IGF1: variants seen among roughly 807,000 people sequenced by gnomAD.
IGF1 encodes the protein insulin like growth factor 1.
In IGF1, 4 loss-of-function variants were observed where a neutral mutation model predicts 13.8. That is an observed-to-expected ratio of 0.29 (90% confidence interval 0.14 to 0.66). The LOEUF (loss-of-function observed/expected upper bound fraction) is 0.66. Among genes scored for constraint, IGF1 ranks in the 30% least tolerant of loss-of-function variants. The pLI is 0.78. For synonymous variants in IGF1, 76 were observed against 72.6 expected, an observed-to-expected ratio of 1.05 and a Z score of -0.23; for missense variants, 124 against 188.5, an observed-to-expected ratio of 0.66 and a Z score of 2.00.
intron 3 of IGF1, among the ~76,000 whole-genome samples, chr12:102,409,988 C>T (rs1461808400): frequency 1.3e-5 from 2 of 152,146 alleles, no homozygotes; most frequent in East Asian, 1.9e-4. Context: ...TCCGGAGCTC[C>T]GTTGAGTGCT....
At chr12:102,464,379 T>C (rs1880148224) in intron 2 of IGF1, among the ~76,000 whole-genome samples, 1 of 151,006 alleles carries the variant, frequency 6.6e-6, no homozygotes, top group South Asian at 2.1e-4. Flanking sequence ...TCATGGTATA[T>C]ATTCTGGGGA....
At chr12:102,434,552 T>A (rs199649449) in intron 2 of IGF1, among the ~76,000 whole-genome samples, 1 of 146,182 alleles carries the variant, frequency 6.8e-6, no homozygotes. Flanking sequence ...TCTATCATTG[T>A]TGGACATTTG....
At position 102,456,313 on chromosome 12, in the gene IGF1, C is replaced by T. The variant is rs555145597; in HGVS notation, c.220+19330G>A. On this transcript the variant is annotated intron_variant, in intron 2 of 3. Coordinates refer to ENST00000337514, the MANE Select transcript of IGF1 (RefSeq NM_000618.5). The stretch of plus-strand genomic sequence containing the variant: ...TGAGGAGCTAAGAAGTATGAACAAA[C>T]GCACTTCAAAGACTAAACTGGACAT... Among the ~76,000 whole-genome samples, 66 of 151,414 alleles carry T rather than the reference C, an allele frequency of 4.4e-4. No homozygotes were observed. The South Asian group carries it at 6.7e-3, about 15-fold the overall frequency.
chr12:102,427,490 T>G (rs1481717725), intron 2 of IGF1, among the ~76,000 whole-genome samples: 1 of 152,224 alleles, frequency 6.6e-6, no homozygotes, highest in African/African-American at 2.4e-5. Context: ...TCTTTTTTTC[T>G]TTGTAACTTG....
In IGF1 at chr12:102,402,526, T is replaced by G; in HGVS notation, c.443A>C (p.Asn148Thr). Residue 148 changes from asparagine to threonine, a missense_variant, in exon 4 of 4, where the codon AAC becomes ACC. By Grantham distance (65) the Asn-to-Thr change is moderately conservative. This residue lies in a region of IGF1 where 25 missense variants were observed against 17.1 expected (regional missense o/e 1.47). Coordinates refer to ENST00000337514, the MANE Select transcript of IGF1 (RefSeq NM_000618.5). ...GTCTTCCTACATCCTGTAGTTCTTG[T>G]TTCCTGCACTCCCTCTACTTGCGTT... ...LKNASRGSAG[N>T]KNYRM 1.3e-6 allele frequency: 1 copy of G among 780,918 alleles called. No individual in the cohort carries two copies. Among genetic ancestry groups the G allele is most frequent in the Non-Finnish European group, 2.4e-6 (1 of 417,988 alleles). 48.4% of individuals were successfully genotyped at this position (780,918 alleles called of 1,614,324 possible). A position where few individuals can be genotyped will look rare whatever the true frequency, so the allele number is the denominator to read the frequency against.
rs186560942 is a variant in IGF1, at chr12:102,473,901, C to T, written c.220+1742G>A. Among the ~76,000 whole-genome samples, 5 of 152,260 alleles carry T rather than the reference C, an allele frequency of 3.3e-5. No homozygotes were observed. The East Asian group carries it at 5.8e-4, about 18-fold the overall frequency. On this transcript the variant is annotated intron_variant, in intron 2 of 3. Coordinates refer to ENST00000337514, the MANE Select transcript of IGF1 (RefSeq NM_000618.5). ...GCAAACATCATAGGCATAGAAAGAT[C>T]CAGTTTTCATGCACTGTGCATGGAA...
chr12:102,414,392 C>T (rs1368393122), intron 3 of IGF1, among the ~76,000 whole-genome samples: 1 of 152,022 alleles, frequency 6.6e-6, no homozygotes, highest in Non-Finnish European at 1.5e-5. Context: ...ACATTTTGTA[C>T]TCTTAATGAC....
chr12:102,432,046 T>C (rs1876786199), intron 2 of IGF1, among the ~76,000 whole-genome samples: 1 of 152,180 alleles, frequency 6.6e-6, no homozygotes, highest in African/African-American at 2.4e-5. Flanking sequence ...ACCCATAATC[T>C]TGATATCCCA....
chr12:102,430,718 C>T (rs1350020751), intron 2 of IGF1, among the ~76,000 whole-genome samples: 1 of 152,212 alleles, frequency 6.6e-6, no homozygotes, highest in African/African-American at 2.4e-5. Context: ...TTCTCCTCTT[C>T]ATCTCTCTTC....
intron 2 of IGF1, among the ~76,000 whole-genome samples, chr12:102,450,181 T>C (rs922716185): frequency 1.3e-5 from 2 of 152,202 alleles, no homozygotes; most frequent in Non-Finnish European, 2.9e-5. Flanking sequence ...CCCCTGTCAT[T>C]CTTTTTCTTT....
chr12:102,449,368 G>GCCA (rs1878700534), intron 2 of IGF1, among the ~76,000 whole-genome samples: 1 of 151,350 alleles, frequency 6.6e-6, no homozygotes, highest in Non-Finnish European at 1.5e-5. Context: ...ACACAGGGAG[G>GCCA]GGAACATCAC....
chr12:102,419,926 G>T (rs1352166215), intron 2 of IGF1, among the ~76,000 whole-genome samples: 1 of 152,134 alleles, frequency 6.6e-6, no homozygotes, highest in Non-Finnish European at 1.5e-5. Flanking sequence ...GCTATTTGTG[G>T]TAACTCTCCC....
intron 2 of IGF1, among the ~76,000 whole-genome samples, chr12:102,455,502 A>G (rs181755609): frequency 8.9e-4 from 136 of 152,336 alleles, no homozygotes; most frequent in African/African-American, 3.1e-3. Flanking sequence ...TTGACAAGTT[A>G]AGTTCATTTT....
intron 3 of IGF1, among the ~76,000 whole-genome samples, chr12:102,404,197 G>A (rs1203890163): frequency 6.6e-6 from 1 of 152,172 alleles, no homozygotes. Context: ...TTCTCTCCAT[G>A]AGACCTGGAA....
intron 3 of IGF1, chr12:102,417,486 CTTAA>C (rs1875244110): frequency 1.1e-6 from 1 of 915,788 alleles, no homozygotes; most frequent in Non-Finnish European, 1.3e-6. Flanking sequence ...ATATAGAAGC[CTTAA>C]TTTTTATTTA....
At chr12:102,447,417 G>A (rs1269617370) in intron 2 of IGF1, among the ~76,000 whole-genome samples, 4 of 152,048 alleles carry the variant, frequency 2.6e-5, no homozygotes. Context: ...TCCTGCATTG[G>A]GTGCATATAT....
chr12:102,425,157 C>T (rs938905820), intron 2 of IGF1, among the ~76,000 whole-genome samples: 6 of 152,062 alleles, frequency 3.9e-5, no homozygotes, highest in African/African-American at 1.4e-4. Context: ...CTATTGCCTG[C>T]CTTATACTTT....
intron 3 of IGF1, among the ~76,000 whole-genome samples, chr12:102,405,026 G>T (rs1280431375): frequency 2.0e-5 from 3 of 151,688 alleles, no homozygotes; most frequent in Admixed American, 6.6e-5. Flanking sequence ...CAAAGTGCTG[G>T]TATTACAGGC....
chr12:102,452,119 G>A (rs1032901535), intron 2 of IGF1, among the ~76,000 whole-genome samples: 10 of 151,566 alleles, frequency 6.6e-5, no homozygotes, highest in Middle Eastern at 3.2e-3. Context: ...AAAATTAGCC[G>A]GGCGTGGTAG....
Sources: gnomAD v4.1 joint callset for allele counts (sites outside exome capture counted in the v4.1 genomes callset) on GRCh38, gnomAD v4.1.1 for gene constraint, gnomAD v4.1.1 regional missense constraint, MANE v1.5 for transcripts, NCBI Gene and HGNC (gene_info 2026-07-23, HGNC 2026-07-21) for gene names.